The following WIF1 variants were observed in gnomAD, a reference collection of about 807,000 sequenced individuals.
WIF1 encodes Wnt inhibitory factor 1.
In WIF1, 35 loss-of-function variants were observed where a neutral mutation model predicts 53.5. The observed-to-expected ratio is 0.65, with a 90% CI of 0.50 to 0.87. The LOEUF (loss-of-function observed/expected upper bound fraction) is 0.87, where lower values mean the gene tolerates loss of function less well. Ranked by LOEUF, WIF1 falls within the 40% of genes least tolerant of loss-of-function variation. WIF1 has a pLI of 0.00. For synonymous variants in WIF1, 171 were observed against 170.4 expected (o/e 1.00, Z -0.03); for missense variants, 467 against 476.8 (o/e 0.98, Z 0.19).
chr12:65,089,257 A>C (rs10878228), intron 2 of WIF1, among the ~76,000 whole-genome samples: 67,860 of 151,878 alleles, frequency 0.45, 18,056 homozygotes, highest in East Asian at 0.69. Context: ...CAAGACATAA[A>C]CTTGGCAGTT....
intron 2 of WIF1, among the ~76,000 whole-genome samples, chr12:65,114,107 A>C (rs1269115957): frequency 6.6e-6 from 1 of 152,224 alleles, no homozygotes; most frequent in African/African-American, 2.4e-5. Context: ...AGAAGTGTTT[A>C]AGGGTGTTTG....
intron 6 of WIF1, among the ~76,000 whole-genome samples, chr12:65,063,357 G>C (rs541991072): frequency 6.6e-6 from 1 of 152,234 alleles, no homozygotes; most frequent in South Asian, 2.1e-4. Context: ...GGGGAGGAGA[G>C]GAAATATCTA....
intron 3 of WIF1, among the ~76,000 whole-genome samples, chr12:65,073,493 C>A (rs1231460905): frequency 6.6e-6 from 1 of 152,188 alleles, no homozygotes; most frequent in East Asian, 1.9e-4. Context: ...TATTGAACCA[C>A]CCTGCAGTTT....
intron 2 of WIF1, among the ~76,000 whole-genome samples, chr12:65,092,095 C>G (rs1433059028): frequency 6.6e-6 from 1 of 152,058 alleles, no homozygotes; most frequent in Non-Finnish European, 1.5e-5. Flanking sequence ...CCATGGAATA[C>G]TATGCAGCCA....
At chr12:65,061,075 G>A (rs1265702212) in intron 7 of WIF1, among the ~76,000 whole-genome samples, 1 of 152,176 alleles carries the variant, frequency 6.6e-6, no homozygotes, top group African/African-American at 2.4e-5. Flanking sequence ...GGGGAAAATT[G>A]AGGGGAGTTA....
At chr12:65,110,825 C>A (rs567162610) in intron 2 of WIF1, among the ~76,000 whole-genome samples, 2 of 152,268 alleles carry the variant, frequency 1.3e-5, no homozygotes, top group South Asian at 4.1e-4. Flanking sequence ...CTATTATAAT[C>A]AAGTATTACC....
intron 2 of WIF1, among the ~76,000 whole-genome samples, chr12:65,113,329 G>A (rs554722778): frequency 1.3e-5 from 2 of 152,300 alleles, no homozygotes; most frequent in African/African-American, 4.8e-5. Flanking sequence ...ATCAGGGACA[G>A]TTAAGTTAAA....
At chr12:65,091,855 T>C (rs1165658911) in intron 2 of WIF1, among the ~76,000 whole-genome samples, 1 of 152,210 alleles carries the variant, frequency 6.6e-6, no homozygotes, top group East Asian at 1.9e-4. Context: ...AAATATTTAC[T>C]GAGTAGTTTC....
rs112559390 is a variant in WIF1 at position 65,077,614 on chromosome 12, C to T, written c.397+132G>A. ...CTTTGCCCAAAGAATAACAGTCAAACTGTCCTAAAATCAACAGATGTCTTC... is the reference window on the plus strand; with the variant it reads ...CTTTGCCCAAAGAATAACAGTCAAATTGTCCTAAAATCAACAGATGTCTTC... On this transcript the variant is annotated intron_variant, in intron 3 of 9. Coordinates refer to ENST00000286574, the MANE Select transcript of WIF1 (RefSeq NM_007191.5). The T allele has an allele frequency of 1.3e-3, 823 of 645,632 alleles. 9 individuals are homozygous for T. The African/African-American group carries it at 0.014, about 11-fold the overall frequency. 40.0% of individuals were successfully genotyped at this position (645,632 alleles called of 1,614,324 possible).
intron 2 of WIF1, among the ~76,000 whole-genome samples, chr12:65,085,996 AG>A (rs1883031682): frequency 6.6e-6 from 1 of 152,222 alleles, no homozygotes; most frequent in South Asian, 2.1e-4. Context: ...GTCTAAAGAT[AG>A]AGAAGCAACA....
chr12:65,066,773 G>T (rs763048765), intron 5 of WIF1, 37 bp from the exon 6 acceptor site: 1 of 1,491,812 alleles, frequency 6.7e-7, no homozygotes, highest in Non-Finnish European at 9.1e-7. Flanking sequence ...AGGCCAAATG[G>T]TATTTTGGAG....
rs1882503822 is a variant in WIF1, at chr12:65,055,143, A to G, written c.993T>C (p.Gly331=). The change falls in exon 9 of 10, where the codon GGT becomes GGC. Residue 331 remains glycine, a synonymous_variant. Transcript: ENST00000286574. The part of the protein sequence containing the change: ...HEPNKCQCQE[G]WHGRHCNKRY... ...TTTTATTGCAGTGTCTTCCATGCCA[A>G]CCTTCTTGACATTGGCATTTGTTGG... 2 of 1,614,058 alleles carry G rather than the reference A, an allele frequency of 1.2e-6. No homozygotes were observed. The highest frequency in any genetic ancestry group is 1.3e-5 in the African/African-American group (1 of 75,044).
At chr12:65,110,009 T>C (rs984239324) in intron 2 of WIF1, among the ~76,000 whole-genome samples, 8 of 152,214 alleles carry the variant, frequency 5.3e-5, no homozygotes, top group African/African-American at 1.9e-4. Context: ...TTTCTGTAAA[T>C]CTGGAGACAG....
At chr12:65,090,047 T>C (rs1490062716) in intron 2 of WIF1, among the ~76,000 whole-genome samples, 2 of 152,204 alleles carry the variant, frequency 1.3e-5, no homozygotes, top group South Asian at 2.1e-4. Context: ...ATTTAAGGTA[T>C]GAAATTTCTG....
chr12:65,052,756 G>A (rs529889345), intron 9 of WIF1, among the ~76,000 whole-genome samples: 4 of 152,292 alleles, frequency 2.6e-5, no homozygotes, highest in South Asian at 4.1e-4. Context: ...GATGGCAGAC[G>A]CTTTCAGCAG....
intron 2 of WIF1, among the ~76,000 whole-genome samples, chr12:65,093,398 T>G (rs1200422013): frequency 1.3e-5 from 2 of 152,198 alleles, no homozygotes; most frequent in Non-Finnish European, 2.9e-5. Context: ...TTTGCCTGCT[T>G]AACACATGCC....
intron 2 of WIF1, among the ~76,000 whole-genome samples, chr12:65,114,046 T>C (rs915163663): frequency 3.9e-5 from 6 of 152,184 alleles, no homozygotes; most frequent in Admixed American, 3.9e-4. Flanking sequence ...CAGTACACAT[T>C]AAGGGATTTC....
At chr12:65,056,391 T>TAAGTAAAAGGGGG (rs1882527717) in intron 7 of WIF1, among the ~76,000 whole-genome samples, 1 of 128,618 alleles carries the variant, frequency 7.8e-6, no homozygotes, top group Non-Finnish European at 1.6e-5. Flanking sequence ...TTTTTTTTTT[T>TAAGTAAAAGGGGG]TTTTTTTTTT....
chr12:65,068,119 C>G (rs1882716009), intron 4 of WIF1, among the ~76,000 whole-genome samples: 1 of 152,058 alleles, frequency 6.6e-6, no homozygotes, highest in Admixed American at 6.6e-5. Flanking sequence ...ATTGCCTTTC[C>G]CCTTTCAGAG....
Sources: gnomAD v4.1 joint callset for allele counts (sites outside exome capture counted in the v4.1 genomes callset) on GRCh38, gnomAD v4.1.1 for gene constraint, MANE v1.5 for transcripts, NCBI Gene and HGNC (gene_info 2026-07-23, HGNC 2026-07-21) for gene names.